The following FAM110B variants were observed in gnomAD, a reference collection of about 807,000 sequenced individuals.
The protein encoded by FAM110B is protein FAM110B.
In FAM110B, 6 loss-of-function variants were observed where a neutral mutation model predicts 20.4. That is an observed-to-expected ratio of 0.29 (90% CI 0.16 to 0.58). The LOEUF (loss-of-function observed/expected upper bound fraction) is 0.58. Among genes scored for constraint, FAM110B ranks in the 20% least tolerant of loss-of-function variants. FAM110B has a pLI of 0.90. For missense variants in FAM110B, 434 were observed against 498.2 expected, an observed-to-expected ratio of 0.87 and a Z score of 1.23; for synonymous variants, 226 against 214.1, an observed-to-expected ratio of 1.06 and a Z score of -0.49.
intron 3 of FAM110B, among the ~76,000 whole-genome samples, chr8:58,143,593 T>C (rs1205804616): frequency 6.6e-6 from 1 of 152,222 alleles, no homozygotes; most frequent in African/African-American, 2.4e-5. Flanking sequence ...GCCACATGAA[T>C]AGAGAAAGCA....
intron 1 of FAM110B, among the ~76,000 whole-genome samples, chr8:58,017,714 A>G (rs1804668364): frequency 6.6e-6 from 1 of 152,234 alleles, no homozygotes; most frequent in African/African-American, 2.4e-5. Context: ...GATATCCACA[A>G]GCTTCAGTAT....
chr8:58,108,417 C>G (rs762761769), intron 3 of FAM110B, among the ~76,000 whole-genome samples: 1 of 152,188 alleles, frequency 6.6e-6, no homozygotes, highest in Non-Finnish European at 1.5e-5. Context: ...AAAGAGTCAG[C>G]CTGGTGTCAC....
chr8:58,137,803 T>A (rs577320975), intron 3 of FAM110B, among the ~76,000 whole-genome samples: 97 of 152,340 alleles, frequency 6.4e-4, no homozygotes, highest in African/African-American at 2.3e-3. Context: ...TTTCTTTGCC[T>A]GGATGAAATC....
chr8:58,077,794 T>C (rs1782500137), intron 3 of FAM110B, among the ~76,000 whole-genome samples: 2 of 152,194 alleles, frequency 1.3e-5, no homozygotes, highest in Admixed American at 1.3e-4. Context: ...TACTATTATT[T>C]ACCTAGATCA....
intron 2 of FAM110B, among the ~76,000 whole-genome samples, chr8:58,058,621 C>T (rs112105583): frequency 0.055 from 8,418 of 152,068 alleles, 308 homozygotes; most frequent in South Asian, 0.11. Flanking sequence ...AATACATAAA[C>T]TATAACTGTC....
chr8:58,049,796 C>T (rs1410309700), intron 2 of FAM110B, among the ~76,000 whole-genome samples: 16 of 152,110 alleles, frequency 1.1e-4, no homozygotes, highest in Admixed American at 1.0e-3. Flanking sequence ...AGTTAATGCT[C>T]ACTCTTAAGT....
intron 2 of FAM110B, among the ~76,000 whole-genome samples, chr8:58,059,517 G>C (rs1805614805): frequency 6.6e-6 from 1 of 151,768 alleles, no homozygotes; most frequent in Admixed American, 6.6e-5. Flanking sequence ...CTGATGCTGA[G>C]TACTTTTTCA....
intron 3 of FAM110B, among the ~76,000 whole-genome samples, chr8:58,111,369 G>A (rs1214369437): frequency 1.3e-5 from 2 of 152,186 alleles, no homozygotes; most frequent in East Asian, 3.9e-4. Flanking sequence ...TTCATTTTCT[G>A]TTTTTTAAAC....
chr8:58,011,304 C>T (rs1400222358), intron 1 of FAM110B, among the ~76,000 whole-genome samples: 1 of 152,124 alleles, frequency 6.6e-6, no homozygotes, highest in African/African-American at 2.4e-5. Flanking sequence ...TTATCAAACC[C>T]CTCCTAACAC....
rs553693573 is a variant in FAM110B at position 58,047,442 on chromosome 8, G to C, written c.-414+15739G>C. On this transcript the variant is annotated intron_variant, in intron 2 of 3. Coordinates refer to ENST00000519262, the MANE Select transcript of FAM110B (RefSeq NM_001377989.1). ...TCTATGCCTGGAAGCTGCCATTTTT[G>C]TTTCCTTTAGAAGTTCCAGAGTAGA... Among the ~76,000 whole-genome samples, 5 of 152,176 alleles carry C rather than the reference G, an allele frequency of 3.3e-5. No individual in the cohort carries two copies. The East Asian group carries it at 9.7e-4, about 29-fold the overall frequency.
At position 58,146,062 on chromosome 8, in the gene FAM110B, T is replaced by G; in HGVS notation, c.-169T>G. 1.4e-6 allele frequency: 1 copy of G among 708,678 alleles called. No individual in the cohort carries two copies. 43.9% of individuals were successfully genotyped at this position (708,678 alleles called of 1,614,324 possible). On this transcript the variant is annotated 5_prime_UTR_variant, in exon 4 of 4. Transcript: ENST00000519262. ...GGAGAAAAGTGTATGAAAGCCACCGTGGCGGTTAATGAGCTGTGAGATGAG... is the reference window on the plus strand; with the variant it reads ...GGAGAAAAGTGTATGAAAGCCACCGGGGCGGTTAATGAGCTGTGAGATGAG...
In FAM110B at chr8:58,016,373, C is replaced by T. The variant is rs889336792; in HGVS notation, c.-511-15233C>T. Among the ~76,000 whole-genome samples the T allele has an allele frequency of 2.4e-4, 37 of 152,132 alleles. 1 individual carries two copies. Among genetic ancestry groups the T allele is most frequent in the South Asian group, 4.1e-4 (2 of 4,826 alleles). ...CAGGGAGCTTCTGGCTTGGGCCTCC[C>T]GGGAGGTTATTCTCAGATGTGGCTG... On this transcript the variant is annotated intron_variant, in intron 1 of 3. Transcript: ENST00000519262.
chr8:58,073,997 C>T (rs1805968514), intron 2 of FAM110B, among the ~76,000 whole-genome samples: 2 of 152,176 alleles, frequency 1.3e-5, no homozygotes, highest in African/African-American at 2.4e-5. Flanking sequence ...ATAGGTCCTG[C>T]GGTCAGGAAA....
intron 1 of FAM110B, among the ~76,000 whole-genome samples, chr8:58,001,155 T>C (rs1804287020): frequency 6.6e-6 from 1 of 152,120 alleles, no homozygotes; most frequent in Admixed American, 6.6e-5. Flanking sequence ...TAATGAAGAT[T>C]TTTTTTTCTA....
chr8:58,064,858 G>T (rs944563304), intron 2 of FAM110B, among the ~76,000 whole-genome samples: 1 of 152,176 alleles, frequency 6.6e-6, no homozygotes, highest in African/African-American at 2.4e-5. Flanking sequence ...TAGAAGGAGA[G>T]ACGTATATGG....
intron 3 of FAM110B, among the ~76,000 whole-genome samples, chr8:58,139,346 TTTCACCA>T (rs1276769161): frequency 6.6e-6 from 1 of 152,156 alleles, no homozygotes; most frequent in Admixed American, 6.5e-5. Context: ...TGGTGAGGGA[TTTCACCA>T]TGGAGATAAG....
intron 3 of FAM110B, among the ~76,000 whole-genome samples, chr8:58,099,586 A>C (rs1328926028): frequency 1.3e-5 from 2 of 152,194 alleles, no homozygotes; most frequent in African/African-American, 4.8e-5. Flanking sequence ...TACATACCTC[A>C]GTTCTGATCT....
rs780600540 is a variant in FAM110B, at chr8:58,067,158, T to A, written c.-413-8377T>A. On this transcript the variant is annotated intron_variant, in intron 2 of 3. Coordinates refer to ENST00000519262, the MANE Select transcript of FAM110B (RefSeq NM_001377989.1). The stretch of plus-strand genomic sequence containing the variant: ...AGCTGTAACAGTTGTAACAATTCTA[T>A]GTGAAAATTCTGGAAACACAGCCTC... 3.9e-5 allele frequency among the ~76,000 whole-genome samples: 6 copies of A among 152,332 alleles called. No homozygotes were observed. The Middle Eastern group carries it at 0.01, about 259-fold the overall frequency.
At chr8:58,053,571 A>G (rs1805495719) in intron 2 of FAM110B, among the ~76,000 whole-genome samples, 1 of 152,168 alleles carries the variant, frequency 6.6e-6, no homozygotes, top group Non-Finnish European at 1.5e-5. Flanking sequence ...TGGCCTAGAG[A>G]TGTGAATGAG....
Sources: allele counts gnomAD v4.1 joint callset (sites outside exome capture counted in the v4.1 genomes callset), GRCh38; gene constraint gnomAD v4.1.1; transcripts MANE v1.5; gene names NCBI Gene and HGNC (gene_info 2026-07-23, HGNC 2026-07-21).